VTI1A: variants seen among roughly 807,000 people sequenced by gnomAD.
VTI1A encodes vesicle transport through interaction with t-SNAREs 1A.
A neutral mutation model predicts 34.9 loss-of-function variants in VTI1A; 22 were observed. The ratio of observed to expected loss-of-function variants is 0.63; its 90% CI spans 0.45 to 0.90. VTI1A has a LOEUF of 0.90. Ranked by LOEUF, VTI1A falls within the 40% of genes least tolerant of loss-of-function variation. The pLI, the probability that VTI1A is intolerant of heterozygous loss-of-function variation, is 0.00. For missense variants in VTI1A, 268 were observed against 275.6 expected, an observed-to-expected ratio of 0.97 and a Z score of 0.20; for synonymous variants, 87 against 97.3, an observed-to-expected ratio of 0.89 and a Z score of 0.62.
At chr10:112,725,146 AAC>A (rs1196167725) in intron 7 of VTI1A, among the ~76,000 whole-genome samples, 1 of 152,224 alleles carries the variant, frequency 6.6e-6, no homozygotes, top group Non-Finnish European at 1.5e-5. Flanking sequence ...TCAGGCTGCA[AAC>A]ACAGTATATC....
At chr10:112,538,828 G>A (rs1266949534) in intron 5 of VTI1A, among the ~76,000 whole-genome samples, 1 of 151,894 alleles carries the variant, frequency 6.6e-6, no homozygotes, top group Non-Finnish European at 1.5e-5. Flanking sequence ...ATCATGAATA[G>A]AGCCTATAAT....
At chr10:112,763,772 G>A (rs1344368251) in intron 7 of VTI1A, among the ~76,000 whole-genome samples, 1 of 152,090 alleles carries the variant, frequency 6.6e-6, no homozygotes, top group Admixed American at 6.6e-5. Context: ...TTATTAAAAT[G>A]CACATCGAGG....
At chr10:112,467,869 G>A in intron 3 of VTI1A, among the ~76,000 whole-genome samples, 1 of 152,226 alleles carries the variant, frequency 6.6e-6, no homozygotes, top group East Asian at 1.9e-4. Context: ...GTCAGGCACT[G>A]TCCGAGGTGC....
At chr10:112,757,605 C>T (rs930681580) in intron 7 of VTI1A, among the ~76,000 whole-genome samples, 5 of 151,990 alleles carry the variant, frequency 3.3e-5, no homozygotes, top group Non-Finnish European at 7.4e-5. Context: ...AGACTGGTTT[C>T]GAACTCATGG....
rs143587457 is a variant in VTI1A, at chr10:112,489,344, G to C, written c.264+24687G>C. Among the ~76,000 whole-genome samples, 86 of 152,236 alleles carry C rather than the reference G, an allele frequency of 5.6e-4. 1 individual carries two copies. The East Asian group carries it at 0.012, about 22-fold the overall frequency. On this transcript the variant is annotated intron_variant, in intron 3 of 7. Coordinates refer to ENST00000393077, the MANE Select transcript of VTI1A (RefSeq NM_145206.4). ...GCTTTATTTAATTTTGTTTGGTGCTGTTTCTCATCCTACTCTAAGTTGCTT... is the reference window on the plus strand; with the variant it reads ...GCTTTATTTAATTTTGTTTGGTGCTCTTTCTCATCCTACTCTAAGTTGCTT...
chr10:112,697,353 C>G (rs1205435155), intron 7 of VTI1A, among the ~76,000 whole-genome samples: 1 of 150,854 alleles, frequency 6.6e-6, no homozygotes, highest in Admixed American at 6.6e-5. Flanking sequence ...GCCTCCACAC[C>G]TGGCTAATTC....
chr10:112,499,111 A>G (rs1298494616), intron 3 of VTI1A, among the ~76,000 whole-genome samples: 1 of 152,232 alleles, frequency 6.6e-6, no homozygotes, highest in African/African-American at 2.4e-5. Flanking sequence ...GAGATATGGC[A>G]TTTAATAAGT....
intron 3 of VTI1A, among the ~76,000 whole-genome samples, chr10:112,465,010 G>T (rs1030359210): frequency 6.6e-6 from 1 of 152,038 alleles, no homozygotes; most frequent in Non-Finnish European, 1.5e-5. Context: ...TGGACTTCAG[G>T]GGCTCATAGT....
At chr10:112,828,182 G>C in the VTI1A span, among the ~76,000 whole-genome samples, 1 of 152,118 alleles carries the variant, frequency 6.6e-6, no homozygotes, top group Admixed American at 6.5e-5. Flanking sequence ...TAACATGGCA[G>C]ACAAATATTG....
chr10:112,783,984 TA>T (rs1852211303), intron 7 of VTI1A, among the ~76,000 whole-genome samples: 1 of 152,000 alleles, frequency 6.6e-6, no homozygotes, highest in Admixed American at 6.6e-5. Context: ...AGGAAAGAAA[TA>T]AAAGGCAGAC....
At chr10:112,477,721 T>G (rs1422233748) in intron 3 of VTI1A, among the ~76,000 whole-genome samples, 1 of 152,192 alleles carries the variant, frequency 6.6e-6, no homozygotes, top group African/African-American at 2.4e-5. Flanking sequence ...AAAACTGTAT[T>G]TTGTACTTTA....
At chr10:112,565,805 A>G (rs1851887967) in intron 5 of VTI1A, among the ~76,000 whole-genome samples, 1 of 152,220 alleles carries the variant, frequency 6.6e-6, no homozygotes, top group Non-Finnish European at 1.5e-5. Flanking sequence ...ATATTTTGAT[A>G]TACGTCACTT....
intron 5 of VTI1A, among the ~76,000 whole-genome samples, chr10:112,667,126 G>A (rs1847670741): frequency 6.6e-6 from 1 of 151,912 alleles, no homozygotes; most frequent in Non-Finnish European, 1.5e-5. Context: ...TAACTACCAT[G>A]GTGACTTCTT....
chr10:112,497,335 A>C (rs1849065895), intron 3 of VTI1A, among the ~76,000 whole-genome samples: 1 of 151,890 alleles, frequency 6.6e-6, no homozygotes, highest in South Asian at 2.1e-4. Context: ...AAAAAATAAT[A>C]ATAATAAATA....
At chr10:112,727,064 G>T (rs1180911048) in intron 7 of VTI1A, among the ~76,000 whole-genome samples, 1 of 152,192 alleles carries the variant, frequency 6.6e-6, no homozygotes, top group Non-Finnish European at 1.5e-5. Context: ...ATTGAATAGG[G>T]TACAAAGCAT....
At chr10:112,453,244 A>G (rs1847307897) in intron 1 of VTI1A, among the ~76,000 whole-genome samples, 1 of 152,200 alleles carries the variant, frequency 6.6e-6, no homozygotes, top group African/African-American at 2.4e-5. Flanking sequence ...AAGAATACAT[A>G]CTGTCAACAT....
At chr10:112,748,717 C>T (rs1026042120) in intron 7 of VTI1A, among the ~76,000 whole-genome samples, 3 of 151,082 alleles carry the variant, frequency 2.0e-5, no homozygotes, top group African/African-American at 7.3e-5. Context: ...GCTCCGCCTC[C>T]CGGGTTCACG....
At chr10:112,672,010 A>C (rs1378833410) in intron 7 of VTI1A, 1 of 152,168 alleles carries the variant, frequency 6.6e-6, no homozygotes, top group Non-Finnish European at 1.5e-5. Flanking sequence ...CGTATGCATA[A>C]AAATGTACTA....
intron 5 of VTI1A, among the ~76,000 whole-genome samples, chr10:112,611,841 A>G (rs1845327209): frequency 6.9e-6 from 1 of 145,760 alleles, no homozygotes; most frequent in Admixed American, 7.2e-5. Context: ...TCCTGGGTTC[A>G]CGTCATTGTC....
Sources: gnomAD v4.1 joint callset for allele counts (sites outside exome capture counted in the v4.1 genomes callset) on GRCh38, gnomAD v4.1.1 for gene constraint, MANE v1.5 for transcripts, NCBI Gene and HGNC (gene_info 2026-07-23, HGNC 2026-07-21) for gene names.